RLBP1: variants seen among roughly 807,000 people sequenced by gnomAD.
The protein encoded by RLBP1 is retinaldehyde binding protein 1.
Under a neutral mutation model 36.2 loss-of-function variants are expected in RLBP1, and 26 were observed. That is an observed-to-expected ratio of 0.72 (90% confidence interval 0.53 to 1.00). The LOEUF is 1.00. RLBP1 is among the 50% of genes least tolerant of loss of function. RLBP1 has a pLI of 0.00. For synonymous variants in RLBP1, 155 were observed against 156.2 expected (o/e 0.99, Z 0.06); for missense variants, 410 against 402.4 (o/e 1.02, Z -0.16).
chr15:89,220,279 G>T (rs972294671), intron 1 of RLBP1, among the ~76,000 whole-genome samples: 2 of 152,168 alleles, frequency 1.3e-5, no homozygotes, highest in Non-Finnish European at 2.9e-5. Context: ...GTTATGACTT[G>T]TGTGACCCTA....
intron 5 of RLBP1, 76 bp downstream of exon 5, chr15:89,217,044 G>A: frequency 6.8e-7 from 1 of 1,478,896 alleles, no homozygotes; most frequent in Non-Finnish European, 9.4e-7. Context: ...GGCCTGTTCA[G>A]TGCCAGGATG....
intron 5 of RLBP1, among the ~76,000 whole-genome samples, chr15:89,216,550 G>A (rs550782732): frequency 2.6e-5 from 4 of 152,166 alleles, no homozygotes; most frequent in Admixed American, 2.6e-4. Context: ...TCAAACCCCC[G>A]ACTTCAGATG....
rs1450389945 is a variant in RLBP1, at chr15:89,215,077, C to A, written c.508G>T (p.Glu170Ter). 6 of 1,614,218 alleles carry A rather than the reference C, an allele frequency of 3.7e-6. No homozygotes were observed. The highest frequency in any genetic ancestry group is 5.1e-6 in the Non-Finnish European group (6 of 1,180,030). Reference protein sequence around the residue: ...LFNIENWQSQEITFDEILQAY... With the variant: ...LFNIENWQSQ ...CCACTAACCTCATCAAAGGTGATTTCTTGACTTTGCCAGTTCTCAATGTTG... is the reference window on the plus strand; with the variant it reads ...CCACTAACCTCATCAAAGGTGATTTATTGACTTTGCCAGTTCTCAATGTTG... The change falls in exon 6 of 9, where the codon GAA (glutamate) becomes TAA (stop). Residue 170 changes from glutamate (E) to a stop codon, truncating the protein, a stop_gained. Transcript: ENST00000268125. LOFTEE classifies it high-confidence loss of function.
Position 89,209,969 on chromosome 15 carries a change from C to T in RLBP1, c.*316G>A. 2.4e-6 allele frequency: 1 copy of T among 408,306 alleles called. No individual in the cohort carries two copies. Among genetic ancestry groups the T allele is most frequent in the South Asian group, 2.5e-5 (1 of 40,040 alleles). The allele number at this position is 408,306 out of a possible 1,614,324, so 25.3% of individuals were successfully genotyped here. On this transcript the variant is annotated 3_prime_UTR_variant, in exon 9 of 9. Transcript: ENST00000268125. ...TTTTCACAGACTCTAAGTCGTAAAA[C>T]TCTGTTACAAAGGAAATGACTGAGA...
intron 5 of RLBP1, 55 bp downstream of exon 5, chr15:89,217,065 G>T: frequency 6.4e-7 from 1 of 1,566,914 alleles, no homozygotes; most frequent in Non-Finnish European, 8.8e-7. Context: ...AGAGCGGATA[G>T]CATCCTCATG....
chr15:89,220,120 A>C (rs1281033011), intron 1 of RLBP1, among the ~76,000 whole-genome samples: 4 of 152,210 alleles, frequency 2.6e-5, no homozygotes, highest in Non-Finnish European at 5.9e-5. Flanking sequence ...GGTAAGTGAC[A>C]GAGTTGGGAC....
In RLBP1 at chr15:89,210,100, A is replaced by G; in HGVS notation, c.*185T>C. On this transcript the variant is annotated 3_prime_UTR_variant, in exon 9 of 9. Transcript: ENST00000268125. The surrounding 1 kb of genome is among the most constrained non-coding windows in gnomAD (Gnocchi z 4.7). ...ATCCCCAGTTCTTCTTGTTCAAGGGAATTCCCCCTCCTTTATTACCCATCC... is the reference window on the plus strand; with the variant it reads ...ATCCCCAGTTCTTCTTGTTCAAGGGGATTCCCCCTCCTTTATTACCCATCC... The G allele has an allele frequency of 1.5e-6, 1 of 653,322 alleles. No homozygotes were observed. The highest frequency in any genetic ancestry group is 2.5e-5 in the Admixed American group (1 of 40,118). 40.5% of individuals were successfully genotyped at this position (653,322 alleles called of 1,614,324 possible). A position where few individuals can be genotyped will look rare whatever the true frequency, so the allele number is the denominator to read the frequency against.
chr15:89,215,060 C>A lies in RLBP1; in HGVS notation c.525G>T (p.Glu175Asp). 6.2e-7 allele frequency: 1 copy of A among 1,614,196 alleles called. No individual in the cohort carries two copies. The highest frequency in any genetic ancestry group is 8.5e-7 in the Non-Finnish European group (1 of 1,180,028). The stretch of plus-strand genomic sequence containing the variant: ...GGGAGCCAGGCGAGCCCCCACTAAC[C>A]TCATCAAAGGTGATTTCTTGACTTT... ...NWQSQEITFDEILQAYCFILE... is the reference protein window; with the variant it reads ...NWQSQEITFDDILQAYCFILE... Residue 175 changes from glutamate (E) to aspartate (D), a missense_variant and splice_region_variant, in exon 6 of 9, where the codon GAG becomes GAT. Coordinates refer to ENST00000268125, the MANE Select transcript of RLBP1 (RefSeq NM_000326.5).
In RLBP1 at chr15:89,210,411, G is replaced by T; in HGVS notation, c.828C>A (p.Phe276Leu). Reference protein sequence around the residue: ...VFVHGDDLSGFYQEIDENILP... With the variant: ...VFVHGDDLSGLYQEIDENILP... ...GGATGTTCTCATCGATCTCCTGGTA[G>T]AAACCAGAAAGGTCATCCCCGTGGA... The change falls in exon 9 of 9, where the codon TTC becomes TTA. Residue 276 changes from phenylalanine (F) to leucine (L), a missense_variant. Transcript: ENST00000268125. The surrounding 1 kb of genome is among the most constrained non-coding windows in gnomAD (Gnocchi z 4.7). The T allele has an allele frequency of 6.2e-7, 1 of 1,614,252 alleles. No homozygotes were observed. Among genetic ancestry groups the T allele is most frequent in the Non-Finnish European group, 8.5e-7 (1 of 1,180,056 alleles).
At chr15:89,212,172 T>G (rs2051543724) in intron 6 of RLBP1, among the ~76,000 whole-genome samples, 1 of 152,164 alleles carries the variant, frequency 6.6e-6, no homozygotes, top group Admixed American at 6.5e-5. Context: ...ACTGGTGAAA[T>G]TATGGTACAT....
chr15:89,217,469 G>A, intron 4 of RLBP1, 145 bp from the exon 5 acceptor site: 1 of 749,122 alleles, frequency 1.3e-6, no homozygotes, highest in South Asian at 1.5e-5. Flanking sequence ...TGCCCCAGGG[G>A]CAGCATCTGC....
rs190777709 is a variant in RLBP1, at chr15:89,218,052, C to T, written c.141+513G>A. On this transcript the variant is annotated intron_variant, in intron 4 of 8. Transcript: ENST00000268125. This position sits in a 1 kb window ranked among gnomAD's most constrained non-coding sequence, Gnocchi z 4.6. ...GCCCAGGCTCAGCTCAGCCACTTCT[C>T]ATCCTCCCCAGCAGCCCTAAGACAG... Among the ~76,000 whole-genome samples the T allele has an allele frequency of 1.6e-4, 24 of 152,340 alleles. No individual in the cohort carries two copies. Among genetic ancestry groups the T allele is most frequent in the African/African-American group, 4.8e-4 (20 of 41,578 alleles).
chr15:89,212,022 C>T, intron 6 of RLBP1, 121 bp from the exon 7 acceptor site: 1 of 998,890 alleles, frequency 1.0e-6, no homozygotes, highest in Non-Finnish European at 1.5e-6. Flanking sequence ...AGGCTTTGAT[C>T]TCGGACATTC....
In RLBP1 at chr15:89,218,523, G is replaced by A. The variant is rs770310283; in HGVS notation, c.141+42C>T. ...AATGCAGTCATGTTCCCCTCATGTT[G>A]CCTCCCTAGGCTGCTCCTCTCCGCA... is the stretch of plus-strand genomic sequence containing the variant. On this transcript the variant is annotated intron_variant, in intron 4 of 8. Coordinates refer to ENST00000268125, the MANE Select transcript of RLBP1 (RefSeq NM_000326.5). The surrounding 1 kb of genome is among the most constrained non-coding windows in gnomAD (Gnocchi z 4.6). 1.1e-5 allele frequency: 17 copies of A among 1,613,730 alleles called. No homozygotes were observed. Among genetic ancestry groups the A allele is most frequent in the Non-Finnish European group, 1.2e-5 (14 of 1,179,856 alleles).
chr15:89,210,481 A>G lies in RLBP1; in HGVS notation c.796-38T>C. Reference sequence around the variant, plus strand: ...AAGGGAGACAGAACTGAGCAGGAGGAGGTGCCCTAAGGATGAGGGTTGAGG... The same window carrying G: ...AAGGGAGACAGAACTGAGCAGGAGGGGGTGCCCTAAGGATGAGGGTTGAGG... On this transcript the variant is annotated intron_variant, in intron 8 of 8. Coordinates refer to ENST00000268125, the MANE Select transcript of RLBP1 (RefSeq NM_000326.5). This position sits in a 1 kb window ranked among gnomAD's most constrained non-coding sequence, Gnocchi z 4.7. The G allele has an allele frequency of 1.2e-6, 2 of 1,610,962 alleles. No individual in the cohort carries two copies.
chr15:89,216,910 C>T (rs1459755694), intron 5 of RLBP1, among the ~76,000 whole-genome samples: 2 of 152,228 alleles, frequency 1.3e-5, no homozygotes, highest in Admixed American at 6.5e-5. Context: ...GGACTCAGAC[C>T]TCCAGAAATC....
Position 89,211,977 on chromosome 15 carries a change from T to C in RLBP1, c.526-76A>G. 4 of 1,473,674 alleles carry C rather than the reference T, an allele frequency of 2.7e-6. No individual in the cohort carries two copies. The highest frequency in any genetic ancestry group is 3.8e-6 in the Non-Finnish European group (4 of 1,062,182). The allele number at this position is 1,473,674 out of a possible 1,614,324, so 91.3% of individuals were successfully genotyped here. ...AGGCTTGAGGTCCTGAGGGGAGAGC[T>C]AATTGGTACATTCTTCACTGGGGTA... On this transcript the variant is annotated intron_variant, in intron 6 of 8. Transcript: ENST00000268125. The surrounding 1 kb of genome is among the most constrained non-coding windows in gnomAD (Gnocchi z 5.8).
chr15:89,221,215 G>A lies in RLBP1; in HGVS notation c.-224+320C>T, dbSNP rs3759923. On this transcript the variant is annotated intron_variant, in intron 1 of 8. Coordinates refer to ENST00000268125, the MANE Select transcript of RLBP1 (RefSeq NM_000326.5). ...GTGGAGATGGGGTTTCACCATGTTG[G>A]CCAGGCTGGTCTCGAACTCCTGACC... Among the ~76,000 whole-genome samples, 210 of 152,136 alleles carry A rather than the reference G, an allele frequency of 1.4e-3. 8 individuals carry two copies. The East Asian group carries it at 0.038, about 28-fold the overall frequency.
At chr15:89,220,221 A>G (rs1416900512) in intron 1 of RLBP1, among the ~76,000 whole-genome samples, 1 of 152,198 alleles carries the variant, frequency 6.6e-6, no homozygotes, top group East Asian at 1.9e-4. Context: ...CTGGCGTCAT[A>G]GAAACCTTAA....
Sources: gnomAD v4.1 joint callset for allele counts (sites outside exome capture counted in the v4.1 genomes callset) on GRCh38, gnomAD v4.1.1 for gene constraint, Gnocchi (gnomAD v3.1) non-coding constraint, MANE v1.5 for transcripts, NCBI Gene and HGNC (gene_info 2026-07-23, HGNC 2026-07-21) for gene names.